Variants in PARD3B observed in about 807,000 individuals in gnomAD.
PARD3B encodes partitioning defective 3 homolog B.
In PARD3B, 103 loss-of-function variants were observed where a neutral mutation model predicts 130.2. That is an observed-to-expected ratio of 0.79 (90% CI 0.67 to 0.93). The LOEUF (loss-of-function observed/expected upper bound fraction) is 0.93. Ranked by LOEUF, PARD3B falls within the 40% of genes least tolerant of loss-of-function variation. The probability of loss-of-function intolerance (pLI) is 0.00; values close to 1 mark genes in which losing one functional copy is unlikely to be tolerated. For synonymous variants in PARD3B, 583 were observed against 553.2 expected (o/e 1.05, Z -0.76); for missense variants, 1,609 against 1,499.2 (o/e 1.07, Z -1.21).
chr2:205,349,622 A>G (rs955791909), intron 18 of PARD3B, among the ~76,000 whole-genome samples: 2 of 152,174 alleles, frequency 1.3e-5, no homozygotes, highest in Non-Finnish European at 2.9e-5. Flanking sequence ...AACTTCTTCC[A>G]TAAGCATTTT....
At chr2:205,036,854 G>A (rs144348076) in intron 3 of PARD3B, among the ~76,000 whole-genome samples, 355 of 150,846 alleles carry the variant, frequency 2.4e-3, no homozygotes, top group Non-Finnish European at 4.5e-3. Flanking sequence ...ATATATAGTG[G>A]ACTGTATATG....
intron 21 of PARD3B, among the ~76,000 whole-genome samples, chr2:205,505,758 A>T (rs532617088): frequency 2.4e-3 from 370 of 152,332 alleles, no homozygotes; most frequent in Non-Finnish European, 3.6e-3. Context: ...CAGCAGCATG[A>T]ATATCCTGTA....
At chr2:205,574,117 G>A (rs901619882) in intron 22 of PARD3B, among the ~76,000 whole-genome samples, 1 of 152,136 alleles carries the variant, frequency 6.6e-6, no homozygotes, top group Non-Finnish European at 1.5e-5. Flanking sequence ...TATATACTAT[G>A]TGCAGCAAAA....
chr2:205,150,929 A>G (rs1311945213), intron 10 of PARD3B, among the ~76,000 whole-genome samples: 1 of 143,986 alleles, frequency 6.9e-6, no homozygotes, highest in Non-Finnish European at 1.6e-5. Flanking sequence ...ATCCTACTAC[A>G]TAGTGACTAT....
At chr2:205,134,221 A>G (rs773279493) in intron 10 of PARD3B, among the ~76,000 whole-genome samples, 3 of 152,098 alleles carry the variant, frequency 2.0e-5, no homozygotes, top group Non-Finnish European at 4.4e-5. Flanking sequence ...CAGCATTTAC[A>G]TCGTCAAAAT....
At chr2:205,151,933 G>A (rs2033787353) in intron 10 of PARD3B, among the ~76,000 whole-genome samples, 1 of 152,180 alleles carries the variant, frequency 6.6e-6, no homozygotes, top group Non-Finnish European at 1.5e-5. Context: ...GCTTCCTTCA[G>A]GAGCTGTTGT....
At chr2:204,955,060 G>A (rs1690121318) in intron 2 of PARD3B, among the ~76,000 whole-genome samples, 1 of 152,112 alleles carries the variant, frequency 6.6e-6, no homozygotes, top group Admixed American at 6.6e-5. Flanking sequence ...TAGTATGTTT[G>A]TTATATTCAT....
At chr2:205,557,897 T>TC (rs1381635024) in intron 22 of PARD3B, among the ~76,000 whole-genome samples, 1 of 152,020 alleles carries the variant, frequency 6.6e-6, no homozygotes, top group Non-Finnish European at 1.5e-5. Flanking sequence ...GTTGCTTTCC[T>TC]CCCCCTGCCT....
At chr2:204,630,962 G>C (rs2034658568) in intron 1 of PARD3B, among the ~76,000 whole-genome samples, 1 of 151,964 alleles carries the variant, frequency 6.6e-6, no homozygotes, top group African/African-American at 2.4e-5. Flanking sequence ...GTCTTCTTCA[G>C]TTTAGCTCTG....
chr2:205,476,504 G>A (rs1171541675), intron 20 of PARD3B, among the ~76,000 whole-genome samples: 2 of 152,154 alleles, frequency 1.3e-5, no homozygotes, highest in Non-Finnish European at 2.9e-5. Context: ...GGATTGGAAA[G>A]TTCTGGTGCT....
chr2:205,020,048 TGG>T (rs1559360834), intron 3 of PARD3B, among the ~76,000 whole-genome samples: 2 of 152,240 alleles, frequency 1.3e-5, no homozygotes, highest in East Asian at 3.9e-4. Flanking sequence ...CTGAGTGGAT[TGG>T]GGATATTCAC....
chr2:205,605,098 C>T (rs1575468083), intron 22 of PARD3B, among the ~76,000 whole-genome samples: 1 of 152,176 alleles, frequency 6.6e-6, no homozygotes, highest in East Asian at 1.9e-4. Context: ...TTCTGGTTAA[C>T]AGCTCTTGGG....
At chr2:204,852,763 A>C (rs940566144) in intron 2 of PARD3B, among the ~76,000 whole-genome samples, 1 of 152,192 alleles carries the variant, frequency 6.6e-6, no homozygotes, top group Non-Finnish European at 1.5e-5. Flanking sequence ...AACTTATTTA[A>C]GTTTTAAAGG....
intron 18 of PARD3B, chr2:205,347,767 T>C (rs2043846479): frequency 6.6e-6 from 1 of 152,254 alleles, no homozygotes; most frequent in African/African-American, 2.4e-5. Context: ...TAATATTTGC[T>C]ACCTTGCCGG....
chr2:205,267,299 A>G (rs2040545856), intron 16 of PARD3B, among the ~76,000 whole-genome samples: 1 of 152,226 alleles, frequency 6.6e-6, no homozygotes, highest in Non-Finnish European at 1.5e-5. Context: ...CTGATATTGT[A>G]TAAGGTACTG....
intron 2 of PARD3B, among the ~76,000 whole-genome samples, chr2:204,753,654 A>G (rs2040552620): frequency 6.6e-6 from 1 of 152,188 alleles, no homozygotes; most frequent in African/African-American, 2.4e-5. Flanking sequence ...TCTTATCAAT[A>G]AAATGAGGAA....
Position 205,276,590 on chromosome 2 carries a change from G to A in PARD3B, c.2186-23940G>A, listed in dbSNP as rs186372283. On this transcript the variant is annotated intron_variant, in intron 16 of 22. Transcript: ENST00000406610. The surrounding 1 kb of genome is among the most constrained non-coding windows in gnomAD (Gnocchi z 5.0). Reference sequence around the variant, plus strand: ...CACCATCTCACAAATGGCCCTTCTCGGCAACGTTGGGGGATATTTATTCCG... The same window carrying A: ...CACCATCTCACAAATGGCCCTTCTCAGCAACGTTGGGGGATATTTATTCCG... Among the ~76,000 whole-genome samples the A allele has an allele frequency of 7.2e-5, 11 of 152,260 alleles. No homozygotes were observed. Among genetic ancestry groups the A allele is most frequent in the East Asian group, 5.8e-4 (3 of 5,182 alleles).
At chr2:205,482,635 A>AGTGTATATC (rs1559135602) in intron 20 of PARD3B, 1 of 152,018 alleles carries the variant, frequency 6.6e-6, no homozygotes, top group Non-Finnish European at 1.5e-5. Flanking sequence ...TTGTATATCC[A>AGTGTATATC]CACCTGTGCT....
intron 3 of PARD3B, among the ~76,000 whole-genome samples, chr2:205,038,609 G>A (rs1245527594): frequency 6.6e-6 from 1 of 152,134 alleles, no homozygotes; most frequent in Non-Finnish European, 1.5e-5. Context: ...CAATAAAAGT[G>A]AGTTAAAAAC....
Sources: gnomAD v4.1 joint callset for allele counts (sites outside exome capture counted in the v4.1 genomes callset) on GRCh38, gnomAD v4.1.1 for gene constraint, Gnocchi (gnomAD v3.1) non-coding constraint, MANE v1.5 for transcripts, NCBI Gene and HGNC (gene_info 2026-07-23, HGNC 2026-07-21) for gene names.